The following MSRB3 variants were observed in gnomAD, a reference collection of about 807,000 sequenced individuals.
MSRB3 encodes the protein methionine sulfoxide reductase B3, also known as methionine-R-sulfoxide reductase B3.
MSRB3 carries 13 observed loss-of-function variants against 21.0 expected under a neutral mutation model. The ratio of observed to expected loss-of-function variants is 0.62; its 90% CI spans 0.40 to 0.98. The LOEUF (loss-of-function observed/expected upper bound fraction) is 0.98. Among genes scored for constraint, MSRB3 ranks in the 50% least tolerant of loss-of-function variants. MSRB3 has a pLI of 0.00. For missense variants in MSRB3, 199 were observed against 230.3 expected (o/e 0.86, Z 0.88); for synonymous variants, 87 against 88.6 (o/e 0.98, Z 0.10).
intron 1 of MSRB3, among the ~76,000 whole-genome samples, chr12:65,290,740 C>T (rs1872622505): frequency 6.6e-6 from 1 of 152,178 alleles, no homozygotes; most frequent in Non-Finnish European, 1.5e-5. Context: ...CAATGCCCTC[C>T]TCTTTTGAAA....
chr12:65,422,871 G>GTGTA (rs1428250875), intron 5 of MSRB3, among the ~76,000 whole-genome samples: 2 of 151,224 alleles, frequency 1.3e-5, no homozygotes, highest in Non-Finnish European at 2.9e-5. Context: ...GTATAGAAAT[G>GTGTA]TAACTGAGTT....
At chr12:65,321,676 T>G (rs1874675103) in intron 2 of MSRB3, among the ~76,000 whole-genome samples, 1 of 152,180 alleles carries the variant, frequency 6.6e-6, no homozygotes. Context: ...ATAGTTATGG[T>G]ATATATTTTA....
At chr12:65,367,688 A>G (rs920661225) in intron 4 of MSRB3, among the ~76,000 whole-genome samples, 1 of 152,194 alleles carries the variant, frequency 6.6e-6, no homozygotes, top group Non-Finnish European at 1.5e-5. Flanking sequence ...AAGGCTTTGC[A>G]GAATTGGAGA....
intron 4 of MSRB3, 64 bp from the exon 5 acceptor site, chr12:65,368,934 C>A: frequency 1.5e-6 from 1 of 654,414 alleles, no homozygotes; most frequent in Non-Finnish European, 2.6e-6. Context: ...CCCCCCCCCC[C>A]CATGAAATAA....
Position 65,463,249 on chromosome 12 carries a change from C to A in MSRB3, c.485C>A (p.Ala162Glu), listed in dbSNP as rs760444664. 5 of 1,614,054 alleles carry A rather than the reference C, an allele frequency of 3.1e-6. No homozygotes were observed. The highest frequency in any genetic ancestry group is 4.2e-6 in the Non-Finnish European group (5 of 1,180,046). The part of the protein sequence containing the change: ...INSAALSFTP[A>E]DSSGTAEGGS... ...TCGGCTGCCTTGTCTTTTACACCTG[C>A]GGATAGCAGTGGCACCGCCGAGGGA... Residue 162 changes from alanine to glutamate, a missense_variant, in exon 7 of 7, where the codon GCG becomes GAG. Transcript: ENST00000308259.
At chr12:65,297,121 A>G (rs540264588) in intron 1 of MSRB3, among the ~76,000 whole-genome samples, 2 of 152,212 alleles carry the variant, frequency 1.3e-5, no homozygotes, top group African/African-American at 4.8e-5. Context: ...ATGCAGGAAC[A>G]GAAAACCAAA....
intron 4 of MSRB3, among the ~76,000 whole-genome samples, chr12:65,350,932 G>A (rs1411394759): frequency 1.4e-5 from 2 of 147,694 alleles, no homozygotes; most frequent in Non-Finnish European, 3.0e-5. Flanking sequence ...GGATACCCAG[G>A]AATTGAACTC....
chr12:65,292,384 A>C (rs1039087401), intron 1 of MSRB3, among the ~76,000 whole-genome samples: 2 of 152,232 alleles, frequency 1.3e-5, no homozygotes, highest in African/African-American at 4.8e-5. Flanking sequence ...TGAATTACTT[A>C]GCACAGTAAT....
intron 2 of MSRB3, chr12:65,309,093 G>A (rs1370940): frequency 0.4 from 75,262 of 187,612 alleles, 16,900 homozygotes; most frequent in African/African-American, 0.61. Context: ...ATGTTAGCAT[G>A]ATTAAGTTAC....
intron 1 of MSRB3, among the ~76,000 whole-genome samples, chr12:65,298,664 A>C (rs923578846): frequency 2.0e-5 from 3 of 152,180 alleles, no homozygotes; most frequent in Middle Eastern, 3.2e-3. Flanking sequence ...ATCAGATGCA[A>C]GCCATCATTA....
chr12:65,395,754 G>A (rs1408803307), intron 5 of MSRB3, among the ~76,000 whole-genome samples: 5 of 152,068 alleles, frequency 3.3e-5, no homozygotes, highest in Non-Finnish European at 7.4e-5. Context: ...ATCTGTTAAG[G>A]AGTTTGTTCA....
At chr12:65,430,992 C>G (rs1335826644) in intron 5 of MSRB3, among the ~76,000 whole-genome samples, 1 of 152,036 alleles carries the variant, frequency 6.6e-6, no homozygotes, top group African/African-American at 2.4e-5. Flanking sequence ...TTAAAATTTG[C>G]CTACATAACA....
At chr12:65,438,092 G>A (rs2136675168) in intron 5 of MSRB3, among the ~76,000 whole-genome samples, 1 of 152,034 alleles carries the variant, frequency 6.6e-6, no homozygotes. Flanking sequence ...CCTTTATTGT[G>A]TAAGGCACTT....
chr12:65,411,572 T>G (rs1242847661), intron 5 of MSRB3, among the ~76,000 whole-genome samples: 1 of 152,074 alleles, frequency 6.6e-6, no homozygotes, highest in Non-Finnish European at 1.5e-5. Flanking sequence ...TAAATCCTCA[T>G]GAAATTCTCT....
chr12:65,288,937 A>T (rs1369474833), intron 1 of MSRB3, among the ~76,000 whole-genome samples: 1 of 152,250 alleles, frequency 6.6e-6, no homozygotes, highest in Non-Finnish European at 1.5e-5. Context: ...AGAATATTTT[A>T]TACACAAAAA....
chr12:65,433,214 T>C (rs1881966256), intron 5 of MSRB3, among the ~76,000 whole-genome samples: 1 of 151,956 alleles, frequency 6.6e-6, no homozygotes, highest in South Asian at 2.1e-4. Flanking sequence ...AAAGGTATTT[T>C]TTTCCTTGAC....
At chr12:65,417,355 T>C (rs886781678) in intron 5 of MSRB3, among the ~76,000 whole-genome samples, 1 of 152,230 alleles carries the variant, frequency 6.6e-6, no homozygotes, top group Non-Finnish European at 1.5e-5. Context: ...TTTTATTTTG[T>C]TAATTTCCTT....
intron 4 of MSRB3, among the ~76,000 whole-genome samples, chr12:65,358,796 G>A (rs1877537135): frequency 1.3e-5 from 2 of 151,778 alleles, no homozygotes. Flanking sequence ...AAATTATATT[G>A]CAACCTGTGA....
chr12:65,436,775 T>G (rs941370404), intron 5 of MSRB3, among the ~76,000 whole-genome samples: 1 of 151,946 alleles, frequency 6.6e-6, no homozygotes, highest in African/African-American at 2.4e-5. Context: ...TTATATTCTG[T>G]AATAGACTGT....
Sources: allele counts gnomAD v4.1 joint callset (sites outside exome capture counted in the v4.1 genomes callset), GRCh38; gene constraint gnomAD v4.1.1; transcripts MANE v1.5; gene names NCBI Gene and HGNC (gene_info 2026-07-23, HGNC 2026-07-21).